The following ZBED4 variants were observed in gnomAD, a reference collection of about 807,000 sequenced individuals.
ZBED4 encodes zinc finger BED domain-containing protein 4.
In ZBED4, 4 loss-of-function variants were observed where a neutral mutation model predicts 15.5. The observed-to-expected ratio is 0.26, with a 90% CI of 0.13 to 0.59. The LOEUF is 0.59. Ranked by LOEUF, ZBED4 falls within the 20% of genes least tolerant of loss-of-function variation. The pLI, the probability that ZBED4 is intolerant of heterozygous loss-of-function variation, is 0.90. For synonymous variants in ZBED4, 692 were observed against 608.5 expected, an observed-to-expected ratio of 1.14 and a Z score of -2.02; for missense variants, 1,323 against 1,461.8, an observed-to-expected ratio of 0.91 and a Z score of 1.55.
At chr22:49,853,739 C>G (rs2060261419), upstream of ZBED4, 1 of 150,230 alleles carries the variant, frequency 6.7e-6, no homozygotes, top group Admixed American at 6.6e-5. Flanking sequence ...AGGGACGAGG[C>G]GGGGCGGGTA....
intron 1 of ZBED4, among the ~76,000 whole-genome samples, chr22:49,861,771 T>TGAA (rs1398879379): frequency 6.6e-6 from 1 of 152,210 alleles, no homozygotes; most frequent in Non-Finnish European, 1.5e-5. Context: ...AGCACATGTA[T>TGAA]GAATGTGTGG....
chr22:49,870,171 G>A (rs1006481537), intron 1 of ZBED4, among the ~76,000 whole-genome samples: 1 of 152,098 alleles, frequency 6.6e-6, no homozygotes, highest in Non-Finnish European at 1.5e-5. Context: ...CTTTTTTATG[G>A]CTGTATAATA....
rs575526891 is a variant in ZBED4 at position 49,871,920 on chromosome 22, A to AT, written c.-329-11409dup. ...ACCAACATGCCCAGCTAATTTTTGT[A>AT]TTTTTAGTAGAGACGAGGTTTCACC... On this transcript the variant is annotated intron_variant, in intron 1 of 1. Transcript: ENST00000216268. Among the ~76,000 whole-genome samples the AT allele has an allele frequency of 9.7e-3, 1,469 of 151,932 alleles. 17 individuals are homozygous for AT. The highest frequency in any genetic ancestry group is 0.068 in the South Asian group (325 of 4,790).
chr22:49,853,319 C>G (rs1224002925), upstream of ZBED4: 1 of 152,428 alleles, frequency 6.6e-6, no homozygotes, highest in Non-Finnish European at 1.5e-5. Flanking sequence ...ATCCCGTCCC[C>G]CGGGGGGGCC....
Position 49,883,573 on chromosome 22 carries a change from G to A in ZBED4, c.-90G>A. 1 of 1,429,508 alleles carries A rather than the reference G, an allele frequency of 7.0e-7. No homozygotes were observed. Among genetic ancestry groups the A allele is most frequent in the Non-Finnish European group, 9.2e-7 (1 of 1,083,592 alleles). The allele number at this position is 1,429,508 out of a possible 1,614,324, so 88.6% of individuals were successfully genotyped here. On this transcript the variant is annotated 5_prime_UTR_variant, in exon 2 of 2. It adds an upstream start codon to the 5' untranslated region. Coordinates refer to ENST00000216268, the MANE Select transcript of ZBED4 (RefSeq NM_014838.3). ...TGAAAGATGGAATTATGACGAAAAA[G>A]TGAAGATAATCTACATTCGGGGGCA... is the stretch of plus-strand genomic sequence containing the variant.
chr22:49,856,292 G>T (rs576527441), intron 1 of ZBED4, among the ~76,000 whole-genome samples: 1 of 152,238 alleles, frequency 6.6e-6, no homozygotes, highest in East Asian at 1.9e-4. Flanking sequence ...GGCCCTGGCC[G>T]TAGGGAACAT....
chr22:49,860,325 A>G (rs2060291324), intron 1 of ZBED4, among the ~76,000 whole-genome samples: 1 of 152,152 alleles, frequency 6.6e-6, no homozygotes, highest in Non-Finnish European at 1.5e-5. Context: ...AAAACAAAAA[A>G]TACATATATA....
intron 1 of ZBED4, among the ~76,000 whole-genome samples, chr22:49,874,549 A>G (rs1258350200): frequency 6.9e-6 from 1 of 144,322 alleles, no homozygotes; most frequent in East Asian, 2.1e-4. Flanking sequence ...CCATTTTTGT[A>G]TTTTTAGTAG....
intron 1 of ZBED4, among the ~76,000 whole-genome samples, chr22:49,858,793 A>G (rs1477220584): frequency 6.6e-6 from 1 of 152,106 alleles, no homozygotes; most frequent in Non-Finnish European, 1.5e-5. Flanking sequence ...CGTCTTTACT[A>G]GCTGTTTTTC....
intron 1 of ZBED4, among the ~76,000 whole-genome samples, chr22:49,864,820 C>CAAAAAAA (rs71196384): frequency 1.3e-4 from 9 of 66,966 alleles, no homozygotes; most frequent in African/African-American, 4.0e-4. Context: ...ACCCTGTCTC[C>CAAAAAAA]AAAAAAAAAA....
In ZBED4 at chr22:49,887,293, C is replaced by A; in HGVS notation, c.*115C>A. ...TGTACGACATCAGACCAGGCACTCT[C>A]AGGGCCGCTCTCCAGCTCACCACAG... On this transcript the variant is annotated 3_prime_UTR_variant, in exon 2 of 2. Coordinates refer to ENST00000216268, the MANE Select transcript of ZBED4 (RefSeq NM_014838.3). The A allele has an allele frequency of 8.8e-7, 1 of 1,131,082 alleles. No homozygotes were observed. Among genetic ancestry groups the A allele is most frequent in the Non-Finnish European group, 1.3e-6 (1 of 797,902 alleles). 70.1% of individuals were successfully genotyped at this position (1,131,082 alleles called of 1,614,324 possible). A position where few individuals can be genotyped will look rare whatever the true frequency, so the allele number is the denominator to read the frequency against.
chr22:49,867,435 C>G lies in ZBED4; in HGVS notation c.-330+13446C>G, dbSNP rs181203977. Among the ~76,000 whole-genome samples the G allele has an allele frequency of 7.7e-4, 117 of 152,342 alleles. 1 individual carries two copies. The highest frequency in any genetic ancestry group is 2.7e-3 in the African/African-American group (113 of 41,576). The stretch of plus-strand genomic sequence containing the variant: ...GGGTCAGTTGGCTGACGGTATTGCT[C>G]AAGTCTTCTCTGTTCTCGCTGACTT... On this transcript the variant is annotated intron_variant, in intron 1 of 1. Transcript: ENST00000216268.
rs979044718 is a variant in ZBED4 at position 49,888,333 on chromosome 22, T to G, written c.*1155T>G. On this transcript the variant is annotated 3_prime_UTR_variant, in exon 2 of 2. Coordinates refer to ENST00000216268, the MANE Select transcript of ZBED4 (RefSeq NM_014838.3). ...CCTACGACCTTTTAGAAAAGTTGTT[T>G]TGTTGAAATACTGTACGTACGCTTA... 19 of 166,976 alleles carry G rather than the reference T, an allele frequency of 1.1e-4. No individual in the cohort carries two copies. Among genetic ancestry groups the G allele is most frequent in the African/African-American group, 3.9e-4 (16 of 41,476 alleles). The allele number at this position is 166,976 out of a possible 1,614,324, so 10.3% of individuals were successfully genotyped here.
rs1311328984 is a variant in ZBED4 at position 49,883,736 on chromosome 22, A to G, written c.74A>G (p.Glu25Gly). 1 of 1,611,378 alleles carries G rather than the reference A, an allele frequency of 6.2e-7. No homozygotes were observed. The change falls in exon 2 of 2, where the codon GAA becomes GGA. Residue 25 changes from glutamate to glycine, a missense_variant. By Grantham distance (98) the Glu-to-Gly change is moderately conservative. Around this residue, in one of 6 missense-constraint regions of ZBED4, gnomAD observed 380 missense variants for 413.7 expected, o/e 0.92. Coordinates refer to ENST00000216268, the MANE Select transcript of ZBED4 (RefSeq NM_014838.3). ...TCTGATAAAATAAAGTTTAAAATAG[A>G]AGAGGAAGATGATGATGGAATTCCT... is the stretch of plus-strand genomic sequence containing the variant. ...FVSDKIKFKI[E>G]EEDDDGIPPD...
At position 49,880,164 on chromosome 22, in the gene ZBED4, C is replaced by T. The variant is rs114427873; in HGVS notation, c.-329-3170C>T. On this transcript the variant is annotated intron_variant, in intron 1 of 1. Transcript: ENST00000216268. Reference sequence around the variant, plus strand: ...AGCTGTGTTCGGGTGGCTCCTAACACGGCTTAAAAGAGCGGCCGTTGTTGT... The same window carrying T: ...AGCTGTGTTCGGGTGGCTCCTAACATGGCTTAAAAGAGCGGCCGTTGTTGT... 8.1e-3 allele frequency among the ~76,000 whole-genome samples: 1,232 copies of T among 152,164 alleles called. 19 individuals carry two copies. Among genetic ancestry groups the T allele is most frequent in the African/African-American group, 0.029 (1,196 of 41,518 alleles).
rs573228467 is a variant in ZBED4 at position 49,879,281 on chromosome 22, C to T, written c.-329-4053C>T. Among the ~76,000 whole-genome samples the T allele has an allele frequency of 2.3e-3, 346 of 151,460 alleles. 9 individuals are homozygous for T. Among genetic ancestry groups the T allele is most frequent in the African/African-American group, 6.8e-3 (283 of 41,326 alleles). ...CTGGGATTACAGGCACGCGCCACCA[C>T]GCCGCGCTAATTTTTTTGTATTTTT... On this transcript the variant is annotated intron_variant, in intron 1 of 1. Transcript: ENST00000216268.
intron 1 of ZBED4, among the ~76,000 whole-genome samples, chr22:49,879,471 C>G (rs543635748): frequency 4.0e-5 from 6 of 151,864 alleles, no homozygotes; most frequent in East Asian, 2.0e-4. Flanking sequence ...GCCATGTTGC[C>G]CAGGCACACA....
intron 1 of ZBED4, among the ~76,000 whole-genome samples, chr22:49,866,590 A>T (rs968092669): frequency 6.6e-6 from 1 of 151,676 alleles, no homozygotes; most frequent in African/African-American, 2.4e-5. Context: ...TCATTTTCTT[A>T]ATTTCTTTAG....
At position 49,884,633 on chromosome 22, in the gene ZBED4, C is replaced by G; in HGVS notation, c.971C>G (p.Thr324Arg). 1 of 1,612,624 alleles carries G rather than the reference C, an allele frequency of 6.2e-7. No individual in the cohort carries two copies. The highest frequency in any genetic ancestry group is 8.5e-7 in the Non-Finnish European group (1 of 1,179,266). ...SRGKNGKDLG[T>R]SCLIRHMWRA... ...GGGAAGAATGGGAAGGACCTGGGCA[C>G]GAGCTGCCTCATCAGGCACATGTGG... The change falls in exon 2 of 2, where the codon ACG (threonine) becomes AGG (arginine). Residue 324 changes from threonine (T) to arginine (R), a missense_variant. Transcript: ENST00000216268.
Sources: allele counts gnomAD v4.1 joint callset (sites outside exome capture counted in the v4.1 genomes callset), GRCh38; gene constraint gnomAD v4.1.1; regional missense constraint gnomAD v4.1.1; transcripts MANE v1.5; gene names NCBI Gene and HGNC (gene_info 2026-07-23, HGNC 2026-07-21).